The following NEGR1 variants were observed in gnomAD, a reference collection of about 807,000 sequenced individuals.
NEGR1 encodes the protein neuronal growth regulator 1.
In NEGR1, 10 loss-of-function variants were observed where a neutral mutation model predicts 40.9. That is an observed-to-expected ratio of 0.24 (90% CI 0.15 to 0.42). The LOEUF is 0.42. NEGR1 is among the 10% of genes least tolerant of loss of function. The probability of loss-of-function intolerance (pLI) is 1.00; values close to 1 mark genes in which losing one functional copy is unlikely to be tolerated. For synonymous variants in NEGR1, 185 were observed against 166.8 expected (o/e 1.11, Z -0.84); for missense variants, 352 against 438.9 (o/e 0.80, Z 1.77).
At chr1:71,909,778 A>G (rs1006369015) in intron 2 of NEGR1, among the ~76,000 whole-genome samples, 1 of 152,238 alleles carries the variant, frequency 6.6e-6, no homozygotes, top group Non-Finnish European at 1.5e-5. Context: ...AGAATTTACA[A>G]ACATTGTGAA....
chr1:71,593,085 A>G, intron 5 of NEGR1, 117 bp from the exon 6 acceptor site: 2 of 615,874 alleles, frequency 3.2e-6, no homozygotes, highest in Non-Finnish European at 5.8e-6. Context: ...TGACGTTAGC[A>G]TATAACGTGA....
At chr1:71,607,257 G>A (rs956423359) in intron 5 of NEGR1, among the ~76,000 whole-genome samples, 1 of 152,260 alleles carries the variant, frequency 6.6e-6, no homozygotes, top group East Asian at 1.9e-4. Flanking sequence ...ATTTTTCTGT[G>A]TCCTTGACTA....
chr1:71,860,008 C>T (rs956676018), intron 2 of NEGR1, among the ~76,000 whole-genome samples: 1 of 151,924 alleles, frequency 6.6e-6, no homozygotes, highest in Non-Finnish European at 1.5e-5. Context: ...AGAAGAGCTG[C>T]CAACAGTCTA....
At chr1:71,807,714 G>C (rs952520227) in intron 2 of NEGR1, among the ~76,000 whole-genome samples, 1 of 152,102 alleles carries the variant, frequency 6.6e-6, no homozygotes, top group Non-Finnish European at 1.5e-5. Context: ...ATTTGGAGGG[G>C]ACAAATCCAG....
intron 1 of NEGR1, among the ~76,000 whole-genome samples, chr1:72,175,333 T>C (rs1289593304): frequency 6.6e-6 from 1 of 152,146 alleles, no homozygotes; most frequent in Non-Finnish European, 1.5e-5. Flanking sequence ...CATCCAAAAT[T>C]AACCTACAGA....
chr1:71,764,586 G>A (rs1656056879), intron 3 of NEGR1, among the ~76,000 whole-genome samples: 1 of 152,152 alleles, frequency 6.6e-6, no homozygotes, highest in African/African-American at 2.4e-5. Flanking sequence ...TTTGGCCCAG[G>A]AACTGCTAAC....
chr1:71,484,381 C>A, intron 6 of NEGR1, among the ~76,000 whole-genome samples: 1 of 151,522 alleles, frequency 6.6e-6, no homozygotes, highest in East Asian at 1.9e-4. Context: ...TCTCCATATG[C>A]ATCTATATAA....
intron 1 of NEGR1, among the ~76,000 whole-genome samples, chr1:72,112,609 T>C (rs1225994687): frequency 2.0e-5 from 3 of 151,642 alleles, no homozygotes; most frequent in Non-Finnish European, 3.0e-5. Context: ...CAATAAACCA[T>C]GGATCTTGGT....
At chr1:71,544,282 A>G (rs975341966) in intron 6 of NEGR1, among the ~76,000 whole-genome samples, 1 of 151,744 alleles carries the variant, frequency 6.6e-6, no homozygotes, top group Admixed American at 6.6e-5. Flanking sequence ...CAAGGGTGAT[A>G]GGAGAAAAAA....
At chr1:72,263,362 T>C (rs1376901120) in intron 1 of NEGR1, among the ~76,000 whole-genome samples, 5 of 151,570 alleles carry the variant, frequency 3.3e-5, no homozygotes, top group African/African-American at 9.7e-5. Flanking sequence ...GCTGATCATA[T>C]ATAAGTCAGC....
chr1:71,929,312 G>C (rs1314301664), intron 2 of NEGR1, among the ~76,000 whole-genome samples: 1 of 152,012 alleles, frequency 6.6e-6, no homozygotes, highest in Non-Finnish European at 1.5e-5. Context: ...AAGATATTTT[G>C]GGTAGGGTAA....
intron 2 of NEGR1, among the ~76,000 whole-genome samples, chr1:71,898,945 T>A (rs867134534): frequency 8.0e-6 from 1 of 124,414 alleles, no homozygotes; most frequent in Non-Finnish European, 1.6e-5. Context: ...TATAATATAT[T>A]GCAAATATAT....
chr1:72,051,455 C>A (rs904171962), intron 1 of NEGR1, among the ~76,000 whole-genome samples: 4 of 151,400 alleles, frequency 2.6e-5, no homozygotes, highest in African/African-American at 9.7e-5. Context: ...TGGTTTGGAG[C>A]AGAATAAAAT....
chr1:71,938,612 G>C (rs1270123788), intron 1 of NEGR1, among the ~76,000 whole-genome samples: 1 of 151,974 alleles, frequency 6.6e-6, no homozygotes, highest in Non-Finnish European at 1.5e-5. Context: ...GGGGTGGAGG[G>C]TGAGAGCCAA....
chr1:71,463,900 A>G (rs143799669), intron 6 of NEGR1, among the ~76,000 whole-genome samples: 1 of 152,130 alleles, frequency 6.6e-6, no homozygotes, highest in Non-Finnish European at 1.5e-5. Flanking sequence ...CCCAAATGAT[A>G]CTAAAATAAA....
chr1:72,180,247 G>A (rs1022173476), intron 1 of NEGR1, among the ~76,000 whole-genome samples: 1 of 151,916 alleles, frequency 6.6e-6, no homozygotes, highest in Non-Finnish European at 1.5e-5. Context: ...ACTAATTATT[G>A]AGAAAGGCAC....
At position 71,399,065 on chromosome 1, in the gene NEGR1, C is replaced by T. The variant is rs1336066636; in HGVS notation, c.*8381G>A. ...TGCCCTGTCTCGGGTATATCTTTAT[C>T]AGCAGTGTGAAAACTGACTAATATA... On this transcript the variant is annotated 3_prime_UTR_variant, in exon 7 of 7. Coordinates refer to ENST00000357731, the MANE Select transcript of NEGR1 (RefSeq NM_173808.3). 1 of 152,160 alleles carries T rather than the reference C, an allele frequency of 6.6e-6. No homozygotes were observed. Among genetic ancestry groups the T allele is most frequent in the Non-Finnish European group, 1.5e-5 (1 of 68,048 alleles). The allele number at this position is 152,160 out of a possible 1,614,324, so 9.4% of individuals were successfully genotyped here.
At chr1:71,988,447 G>A (rs1048368868) in intron 1 of NEGR1, among the ~76,000 whole-genome samples, 1 of 149,052 alleles carries the variant, frequency 6.7e-6, no homozygotes, top group Non-Finnish European at 1.5e-5. Context: ...GCTGAGGCAG[G>A]AGAATGGCGT....
intron 1 of NEGR1, among the ~76,000 whole-genome samples, chr1:72,013,252 G>A (rs574186571): frequency 6.6e-6 from 1 of 152,072 alleles, no homozygotes; most frequent in South Asian, 2.1e-4. Context: ...ATCCAGATGT[G>A]GTTACATTCC....
Sources: allele counts gnomAD v4.1 joint callset (sites outside exome capture counted in the v4.1 genomes callset), GRCh38; gene constraint gnomAD v4.1.1; transcripts MANE v1.5; gene names NCBI Gene and HGNC (gene_info 2026-07-23, HGNC 2026-07-21).